Variants in ELN observed in about 807,000 individuals in gnomAD.
ELN encodes the protein tropoelastin.
In ELN, 65 loss-of-function variants were observed where a neutral mutation model predicts 105.8. That is an observed-to-expected ratio of 0.61 (90% CI 0.50 to 0.75). ELN has a LOEUF of 0.75. ELN is among the 30% of genes least tolerant of loss of function. The pLI, the probability that ELN is intolerant of heterozygous loss-of-function variation, is 0.00. For missense variants in ELN, 882 were observed against 969.4 expected (o/e 0.91, Z 1.20); for synonymous variants, 368 against 389.2 (o/e 0.95, Z 0.64).
intron 2 of ELN, among the ~76,000 whole-genome samples, chr7:74,036,158 C>T (rs956183469): frequency 5.3e-5 from 8 of 151,150 alleles, no homozygotes; most frequent in African/African-American, 4.9e-5. Flanking sequence ...GGTGTGGTGG[C>T]GAGAGCCTCT....
intron 17 of ELN, 32 bp from the exon 18 acceptor site, chr7:74,053,131 A>G (rs984849132): frequency 6.2e-7 from 1 of 1,614,088 alleles, no homozygotes; most frequent in African/African-American, 1.3e-5. Flanking sequence ...AGGTTCCCAT[A>G]GGTTAGGGGA....
intron 3 of ELN, among the ~76,000 whole-genome samples, chr7:74,036,841 GA>G (rs1790071662): frequency 6.6e-6 from 1 of 152,120 alleles, no homozygotes. Context: ...AGGACGGGGG[GA>G]CAGAGTCTCG....
At position 74,060,471 on chromosome 7, in the gene ELN, G is replaced by A. The variant is rs782125325; in HGVS notation, c.1717G>A (p.Val573Ile). The part of the protein sequence containing the change: ...GVGAGVPGLG[V>I]GAGVPGFGAV... ...TGGTGCTGGTGTTCCTGGACTTGGA[G>A]TTGGTGCTGGTGTTCCTGGCTTCGG... Residue 573 changes from valine (V) to isoleucine (I), a missense_variant, in exon 25 of 33, where the codon GTT becomes ATT. Coordinates refer to ENST00000252034, the MANE Select transcript of ELN (RefSeq NM_000501.4). The A allele has an allele frequency of 3.7e-6, 6 of 1,614,134 alleles. No individual in the cohort carries two copies.
chr7:74,063,492 T>C lies in ELN; in HGVS notation c.1918+123T>C. The C allele has an allele frequency of 1.2e-6, 2 of 1,606,736 alleles. No homozygotes were observed. Among genetic ancestry groups the C allele is most frequent in the Non-Finnish European group, 8.5e-7 (1 of 1,177,222 alleles). On this transcript the variant is annotated intron_variant, in intron 28 of 32. Transcript: ENST00000252034. This position sits in a 1 kb window ranked among gnomAD's most constrained non-coding sequence, Gnocchi z 4.1. ...CCCCAGACACCTCCTGGCTCCACTG[T>C]GCCATCGAAGGCCAGGGGAGACCTC...
Position 74,063,742 on chromosome 7 carries a change from G to A in ELN, c.1993+47G>A, listed in dbSNP as rs1293932313. 14 of 1,611,266 alleles carry A rather than the reference G, an allele frequency of 8.7e-6. No homozygotes were observed. Among genetic ancestry groups the A allele is most frequent in the East Asian group, 2.2e-5 (1 of 44,878 alleles). ...GTGAGTGTGTGTGGTGTGTGTATGC[G>A]AGACAGAGATGGAGACAGAGACAGA... On this transcript the variant is annotated intron_variant, in intron 29 of 32. Coordinates refer to ENST00000252034, the MANE Select transcript of ELN (RefSeq NM_000501.4). This position sits in a 1 kb window ranked among gnomAD's most constrained non-coding sequence, Gnocchi z 4.1.
chr7:74,033,254 C>T (rs1789110156), intron 1 of ELN, among the ~76,000 whole-genome samples: 2 of 152,234 alleles, frequency 1.3e-5, no homozygotes, highest in South Asian at 4.1e-4. Context: ...TTCCCCCCAC[C>T]TCCACCACAC....
chr7:74,037,995 C>T (rs1790383271), intron 4 of ELN: 6 of 520,960 alleles, frequency 1.2e-5, no homozygotes, highest in Non-Finnish European at 2.1e-5. Context: ...ATCTACCCTA[C>T]ATGTGCATGT....
chr7:74,028,345 G>T (rs1184991454), intron 1 of ELN, 76 bp downstream of exon 1: 5 of 1,505,112 alleles, frequency 3.3e-6, no homozygotes, highest in Middle Eastern at 3.6e-4. Context: ...AGACGCTCAA[G>T]GGGGAGACCT....
chr7:74,054,598 C>A, intron 18 of ELN, 118 bp from the exon 19 acceptor site: 1 of 1,060,066 alleles, frequency 9.4e-7, no homozygotes, highest in Non-Finnish European at 1.5e-6. Flanking sequence ...GTGTAGCCAA[C>A]TCTATGTTGG....
chr7:74,069,847 A>G lies in ELN; in HGVS notation c.*1147A>G, dbSNP rs1798685759. 5.0e-6 allele frequency: 1 copy of G among 199,456 alleles called. No homozygotes were observed. Among genetic ancestry groups the G allele is most frequent in the South Asian group, 1.9e-4 (1 of 5,220 alleles). 12.4% of individuals were successfully genotyped at this position (199,456 alleles called of 1,614,324 possible). On this transcript the variant is annotated 3_prime_UTR_variant, in exon 33 of 33. Transcript: ENST00000252034. ...TGGATGAAACACACCTTTTTTTTTA[A>G]TAAGAAAAGAGAATTAACTGCTTCA...
intron 29 of ELN, 50 bp from the exon 30 acceptor site, chr7:74,065,644 T>G: frequency 2.6e-6 from 4 of 1,564,388 alleles, no homozygotes; most frequent in Non-Finnish European, 3.5e-6. Flanking sequence ...AGACAGGGCC[T>G]GACAGGTGGC....
intron 18 of ELN, 45 bp from the exon 19 acceptor site, chr7:74,054,671 C>T (rs781952191): frequency 6.3e-7 from 1 of 1,599,742 alleles, no homozygotes; most frequent in South Asian, 1.1e-5. Context: ...ACACAGCTCT[C>T]CTCCAATCTC....
chr7:74,036,657 C>G, intron 3 of ELN, 73 bp downstream of exon 3: 1 of 1,605,286 alleles, frequency 6.2e-7, no homozygotes, highest in Non-Finnish European at 8.5e-7. Context: ...CATCCTCAGA[C>G]CTGAGAACCC....
chr7:74,051,145 A>C (rs1205871844), intron 15 of ELN, among the ~76,000 whole-genome samples: 2 of 152,102 alleles, frequency 1.3e-5, no homozygotes, highest in Non-Finnish European at 2.9e-5. Context: ...GGGTCAGACC[A>C]CTAGGGCTGA....
chr7:74,038,064 A>G (rs1296304590), intron 4 of ELN: 5 of 399,038 alleles, frequency 1.3e-5, no homozygotes, highest in African/African-American at 2.1e-5. Flanking sequence ...TAGAGGCAAC[A>G]TCAGGGATTG....
At chr7:74,037,831 A>C (rs1434038352) in intron 4 of ELN, 92 bp downstream of exon 4, 1 of 1,552,244 alleles carries the variant, frequency 6.4e-7, no homozygotes, top group Non-Finnish European at 8.8e-7. Context: ...GGAAACTAGG[A>C]ACAGGACAAG....
chr7:74,042,562 A>G (rs1791473274), intron 5 of ELN, 52 bp from the exon 6 acceptor site: 1 of 1,541,162 alleles, frequency 6.5e-7, no homozygotes, highest in Non-Finnish European at 8.9e-7. Flanking sequence ...AGAGCGTAGG[A>G]GTCTTCATAG....
chr7:74,043,062 G>A, intron 7 of ELN, 28 bp downstream of exon 7: 1 of 1,614,172 alleles, frequency 6.2e-7, no homozygotes, highest in South Asian at 1.1e-5. Flanking sequence ...GAACTCCCTG[G>A]GTCAAAGTTG....
chr7:74,043,176 C>A lies in ELN; in HGVS notation c.427+8C>A, dbSNP rs55868272. ...AGCCTGGGAAAGTGCCGGGTCAGTG[C>A]GGAATCCCTGGGGCTGGAGGACAGA... is the stretch of plus-strand genomic sequence containing the variant. On this transcript the variant is annotated splice_region_variant and intron_variant, in intron 8 of 32. Transcript: ENST00000252034. 4 of 1,586,366 alleles carry A rather than the reference C, an allele frequency of 2.5e-6. No homozygotes were observed. The highest frequency in any genetic ancestry group is 1.8e-5 in the Admixed American group (1 of 54,644).
Sources: gnomAD v4.1 joint callset for allele counts (sites outside exome capture counted in the v4.1 genomes callset) on GRCh38, gnomAD v4.1.1 for gene constraint, Gnocchi (gnomAD v3.1) non-coding constraint, MANE v1.5 for transcripts, NCBI Gene and HGNC (gene_info 2026-07-23, HGNC 2026-07-21) for gene names.